CDKN2B-AS1: variants seen among roughly 807,000 people sequenced by gnomAD.
CDKN2B-AS1 encodes the protein CDKN2B and CDKN2A antisense cis and trans regulatory RNA 1.
intron 4 of CDKN2B-AS1, among the ~76,000 whole-genome samples, chr9:22,070,987 T>C (rs1444889651): frequency 6.6e-6 from 1 of 152,068 alleles, no homozygotes; most frequent in Non-Finnish European, 1.5e-5. Flanking sequence ...AGGGACACAG[T>C]GGACCAATGG....
rs748001006 is a variant in CDKN2B-AS1 at position 22,006,120 on chromosome 9, G to T, written n.29+10959G>T. 6.2e-7 allele frequency: 1 copy of T among 1,610,898 alleles called. No homozygotes were observed. On this transcript the variant is annotated intron_variant and non_coding_transcript_variant, in intron 1 of 4. Coordinates refer to ENST00000650946, the Ensembl canonical transcript of CDKN2B-AS1. This position sits in a 1 kb window ranked among gnomAD's most constrained non-coding sequence, Gnocchi z 6.4. ...CCCGGCCCGGTGCAGCACCACCAGC[G>T]TGTCCAGGAAGCCCTCCCGGGCAGC...
At position 22,094,766 on chromosome 9, in the gene CDKN2B-AS1, C is replaced by A. The variant is rs1354567806; in HGVS notation, n.439-32337C>A. Among the ~76,000 whole-genome samples, 4 of 143,814 alleles carry A rather than the reference C, an allele frequency of 2.8e-5. 1 individual carries two copies. Among genetic ancestry groups the A allele is most frequent in the African/African-American group, 5.9e-5 (2 of 34,176 alleles). 94.3% of individuals were successfully genotyped at this position (143,814 alleles called of 152,430 possible). On this transcript the variant is annotated intron_variant and non_coding_transcript_variant, in intron 4 of 4. Coordinates refer to ENST00000650946, the Ensembl canonical transcript of CDKN2B-AS1. ...CTTTGCCATGGGTTCGAACTTCCTC[C>A]TTTAGCTTGGAGTAGTTTGATCATC...
chr9:22,024,574 A>C (rs1037164495), intron 1 of CDKN2B-AS1, among the ~76,000 whole-genome samples: 5 of 152,194 alleles, frequency 3.3e-5, no homozygotes, highest in African/African-American at 1.2e-4. Flanking sequence ...TCTGTTCTCC[A>C]TGCAGCATTA....
chr9:22,084,062 A>G (rs1162143420), intron 4 of CDKN2B-AS1, among the ~76,000 whole-genome samples: 1 of 152,192 alleles, frequency 6.6e-6, no homozygotes, highest in African/African-American at 2.4e-5. Flanking sequence ...AGATTCATGC[A>G]TTGTTGTAAG....
At chr9:22,020,153 T>G (rs1821955855) in intron 1 of CDKN2B-AS1, among the ~76,000 whole-genome samples, 1 of 152,232 alleles carries the variant, frequency 6.6e-6, no homozygotes, top group Non-Finnish European at 1.5e-5. Flanking sequence ...ATTAGTTTGC[T>G]AAGCATAATG....
chr9:22,018,031 T>C (rs1406795976), intron 1 of CDKN2B-AS1, among the ~76,000 whole-genome samples: 1 of 152,196 alleles, frequency 6.6e-6, no homozygotes, highest in Non-Finnish European at 1.5e-5. Context: ...GGTATTGAGA[T>C]AGATGAAAAC....
chr9:22,118,115 G>A (rs144724677), intron 4 of CDKN2B-AS1: 2 of 152,282 alleles, frequency 1.3e-5, no homozygotes, highest in African/African-American at 4.8e-5. Flanking sequence ...ACAAAGGAGA[G>A]AGTTGCCCAG....
intron 4 of CDKN2B-AS1, among the ~76,000 whole-genome samples, chr9:22,085,200 GTT>G (rs1824827168): frequency 6.6e-6 from 1 of 152,150 alleles, no homozygotes; most frequent in Non-Finnish European, 1.5e-5. Context: ...GGAGAAAAAA[GTT>G]TATCAGTTAA....
intron 4 of CDKN2B-AS1, among the ~76,000 whole-genome samples, chr9:22,113,213 G>A (rs1394798310): frequency 6.6e-6 from 1 of 152,116 alleles, no homozygotes; most frequent in Non-Finnish European, 1.5e-5. Flanking sequence ...TCCCAAGCTG[G>A]AGCCTGTGTC....
rs188324834 is a variant in CDKN2B-AS1, at chr9:22,085,932, T to A, written n.438+29545T>A. ...CCATTTCTTTGATTCAATTTCACAA[T>A]CTCTTGATTTTGTCCTTAAGTATTT... On this transcript the variant is annotated intron_variant and non_coding_transcript_variant, in intron 4 of 4. Transcript: ENST00000650946. Among the ~76,000 whole-genome samples, 26 of 151,794 alleles carry A rather than the reference T, an allele frequency of 1.7e-4. 1 individual carries two copies. Among genetic ancestry groups the A allele is most frequent in the Admixed American group, 1.5e-3 (23 of 15,202 alleles).
chr9:21,998,691 A>G (rs569995959), intron 1 of CDKN2B-AS1, among the ~76,000 whole-genome samples: 22 of 152,326 alleles, frequency 1.4e-4, no homozygotes, highest in Admixed American at 1.3e-3. Context: ...TTCCATAGGC[A>G]GGGATAGGGG....
At chr9:22,007,254 C>T (rs759531274) in intron 1 of CDKN2B-AS1, among the ~76,000 whole-genome samples, 14 of 152,066 alleles carry the variant, frequency 9.2e-5, no homozygotes, top group Non-Finnish European at 1.9e-4. Flanking sequence ...CCCAGCAACT[C>T]AGGAGGCTGA....
At chr9:22,048,117 G>C (rs1412854797) in intron 2 of CDKN2B-AS1, among the ~76,000 whole-genome samples, 2 of 151,972 alleles carry the variant, frequency 1.3e-5, no homozygotes, top group African/African-American at 4.8e-5. Flanking sequence ...TATTGAGTTG[G>C]AAACCCAAAA....
At chr9:22,060,642 T>C (rs1263892433) in intron 4 of CDKN2B-AS1, among the ~76,000 whole-genome samples, 1 of 152,208 alleles carries the variant, frequency 6.6e-6, no homozygotes, top group Non-Finnish European at 1.5e-5. Flanking sequence ...CCCACTCTAC[T>C]GGTACCAATT....
chr9:22,014,919 G>C (rs1295452675), intron 1 of CDKN2B-AS1, among the ~76,000 whole-genome samples: 3 of 151,834 alleles, frequency 2.0e-5, no homozygotes, highest in African/African-American at 7.3e-5. Flanking sequence ...TTTCATCCAT[G>C]TCCCTACAAA....
chr9:22,029,080 G>T (rs764922433), intron 1 of CDKN2B-AS1, among the ~76,000 whole-genome samples: 1 of 151,650 alleles, frequency 6.6e-6, no homozygotes, highest in South Asian at 2.1e-4. Flanking sequence ...TCCAAGGGAC[G>T]GTGGTGAAAG....
chr9:22,081,234 T>C (rs1437904777), intron 4 of CDKN2B-AS1, among the ~76,000 whole-genome samples: 1 of 152,098 alleles, frequency 6.6e-6, no homozygotes, highest in Non-Finnish European at 1.5e-5. Context: ...TGCCCCAAGT[T>C]ACTTATTCAT....
At chr9:22,015,655 T>A (rs1467730980) in intron 1 of CDKN2B-AS1, among the ~76,000 whole-genome samples, 1 of 152,064 alleles carries the variant, frequency 6.6e-6, no homozygotes, top group Non-Finnish European at 1.5e-5. Flanking sequence ...ATTATTATTA[T>A]ACTTTAAGTT....
intron 3 of CDKN2B-AS1, among the ~76,000 whole-genome samples, chr9:22,052,941 C>A (rs1823415683): frequency 6.6e-6 from 1 of 152,170 alleles, no homozygotes; most frequent in Non-Finnish European, 1.5e-5. Flanking sequence ...AAACCAATAC[C>A]TTCTAGAGTG....
Sources: allele counts gnomAD v4.1 joint callset (sites outside exome capture counted in the v4.1 genomes callset), GRCh38; gene constraint gnomAD v4.1.1; non-coding constraint Gnocchi (gnomAD v3.1); transcripts MANE v1.5; gene names NCBI Gene and HGNC (gene_info 2026-07-23, HGNC 2026-07-21).